PACRG: variants seen among roughly 807,000 people sequenced by gnomAD.
The protein encoded by PACRG is parkin coregulated, also known as parkin coregulated gene protein.
A neutral mutation model predicts 29.7 loss-of-function variants in PACRG; 29 were observed. The ratio of observed to expected loss-of-function variants is 0.98; its 90% CI spans 0.73 to 1.33. The LOEUF (loss-of-function observed/expected upper bound fraction) is 1.33. Ranked by LOEUF, PACRG falls within the 40% of genes most tolerant of loss-of-function variation. The probability of loss-of-function intolerance (pLI) is 0.00; values close to 1 mark genes in which losing one functional copy is unlikely to be tolerated. For missense variants in PACRG, 279 were observed against 316.2 expected (o/e 0.88, Z 0.89); for synonymous variants, 116 against 118.7 (o/e 0.98, Z 0.15).
At chr6:162,978,246 C>T (rs147212925) in intron 2 of PACRG, among the ~76,000 whole-genome samples, 5,039 of 152,090 alleles carry the variant, frequency 0.033, 130 homozygotes, top group Middle Eastern at 0.086. Context: ...TAGTATATTT[C>T]TATAAGAAAA....
intron 1 of PACRG, among the ~76,000 whole-genome samples, chr6:162,742,166 C>G (rs1273292822): frequency 1.3e-5 from 2 of 152,162 alleles, no homozygotes; most frequent in East Asian, 3.9e-4. Flanking sequence ...TCACCCGAAT[C>G]TCATCTTGAA....
At chr6:162,879,499 G>T (rs1356146759) in intron 2 of PACRG, among the ~76,000 whole-genome samples, 3 of 152,016 alleles carry the variant, frequency 2.0e-5, no homozygotes, top group Non-Finnish European at 2.9e-5. Flanking sequence ...GGGACAGTTG[G>T]TGCTAAAACT....
intron 4 of PACRG, among the ~76,000 whole-genome samples, chr6:163,234,301 G>A (rs981926018): frequency 6.6e-6 from 1 of 152,118 alleles, no homozygotes; most frequent in Non-Finnish European, 1.5e-5. Context: ...ATTCTCAGGG[G>A]AGTGACTTCT....
At chr6:162,904,018 A>G (rs1795758010) in intron 2 of PACRG, among the ~76,000 whole-genome samples, 1 of 152,114 alleles carries the variant, frequency 6.6e-6, no homozygotes, top group Non-Finnish European at 1.5e-5. Flanking sequence ...TTGATGCTGC[A>G]CTCTTGAGTC....
chr6:163,006,524 A>T (rs955590577), intron 2 of PACRG, among the ~76,000 whole-genome samples: 1 of 151,766 alleles, frequency 6.6e-6, no homozygotes, highest in Non-Finnish European at 1.5e-5. Context: ...TCTATCAGTT[A>T]TTGAGAGAAT....
intron 2 of PACRG, among the ~76,000 whole-genome samples, chr6:162,829,539 CA>C (rs1390328673): frequency 5.3e-5 from 8 of 152,140 alleles, no homozygotes; most frequent in Non-Finnish European, 8.8e-5. Context: ...GCAGTGTATA[CA>C]ATTAGTCATA....
chr6:162,865,093 A>G (rs749865745), intron 2 of PACRG, among the ~76,000 whole-genome samples: 2 of 152,162 alleles, frequency 1.3e-5, no homozygotes, highest in African/African-American at 4.8e-5. Context: ...TGTGTAATAT[A>G]CTCCCTCTAG....
intron 1 of PACRG, among the ~76,000 whole-genome samples, chr6:162,793,618 C>A (rs1245020955): frequency 6.6e-6 from 1 of 152,166 alleles, no homozygotes; most frequent in African/African-American, 2.4e-5. Flanking sequence ...ATTTAGCAGG[C>A]ATCATTAGTA....
At chr6:163,009,060 A>G (rs1329885790) in intron 2 of PACRG, among the ~76,000 whole-genome samples, 2 of 152,202 alleles carry the variant, frequency 1.3e-5, no homozygotes, top group Non-Finnish European at 2.9e-5. Flanking sequence ...GTACTGGGCA[A>G]AATTACTCTG....
chr6:162,924,213 A>G (rs768901339), intron 2 of PACRG, among the ~76,000 whole-genome samples: 43 of 151,996 alleles, frequency 2.8e-4, no homozygotes, highest in Non-Finnish European at 5.9e-4. Flanking sequence ...GTATAGAAAT[A>G]CTACTGTTGT....
intron 2 of PACRG, among the ~76,000 whole-genome samples, chr6:163,030,621 T>G (rs1180899773): frequency 1.3e-5 from 2 of 152,152 alleles, no homozygotes; most frequent in Non-Finnish European, 2.9e-5. Context: ...ATTAAGAAAG[T>G]ACAGGAATAA....
chr6:162,820,035 A>T (rs1021733590), intron 2 of PACRG, among the ~76,000 whole-genome samples: 32 of 152,160 alleles, frequency 2.1e-4, no homozygotes, highest in Non-Finnish European at 3.2e-4. Flanking sequence ...TACCAGGAGG[A>T]TGCTCTTTAG....
intron 2 of PACRG, among the ~76,000 whole-genome samples, chr6:162,895,807 A>G (rs943524296): frequency 4.6e-5 from 7 of 152,242 alleles, no homozygotes; most frequent in Non-Finnish European, 7.3e-5. Flanking sequence ...AGCTCTAAGA[A>G]CATTTACTTT....
intron 2 of PACRG, among the ~76,000 whole-genome samples, chr6:162,951,245 T>C (rs1366026699): frequency 6.6e-6 from 1 of 152,212 alleles, no homozygotes; most frequent in Non-Finnish European, 1.5e-5. Context: ...ATAGCAAAAG[T>C]TCCCTCCCAG....
chr6:163,193,760 G>A (rs1780323575), intron 4 of PACRG, among the ~76,000 whole-genome samples: 1 of 151,996 alleles, frequency 6.6e-6, no homozygotes, highest in African/African-American at 2.4e-5. Flanking sequence ...TAGTTTGAAA[G>A]TATTCCTAAA....
rs1784570039 is a variant in PACRG at position 162,787,570 on chromosome 6, G to GAT, written c.157-26577_157-26576insAT. On this transcript the variant is annotated intron_variant, in intron 1 of 4. Coordinates refer to ENST00000366888, the MANE Select transcript of PACRG (RefSeq NM_001080379.2). Reference sequence around the variant, plus strand: ...ATATATATGGTTATTGTGTGTGTGTGTGTGTGTGTGTGTATATATATATAT... The same window carrying GAT: ...ATATATATGGTTATTGTGTGTGTGTGATTGTGTGTGTGTGTATATATATATAT... 5.3e-5 allele frequency among the ~76,000 whole-genome samples: 3 copies of GAT among 56,670 alleles called. 1 individual carries two copies. The Admixed American group carries it at 7.3e-4, about 14-fold the overall frequency. The allele number at this position is 56,670 out of a possible 152,430, so 37.2% of individuals were successfully genotyped here.
intron 4 of PACRG, among the ~76,000 whole-genome samples, chr6:163,196,853 A>G (rs1780472464): frequency 6.6e-6 from 1 of 151,190 alleles, no homozygotes; most frequent in Admixed American, 6.6e-5. Flanking sequence ...AGACAGATAG[A>G]CAAATAGACA....
intron 1 of PACRG, among the ~76,000 whole-genome samples, chr6:162,801,534 A>G (rs956133613): frequency 2.0e-5 from 3 of 152,212 alleles, no homozygotes; most frequent in Non-Finnish European, 4.4e-5. Context: ...GGTAATTTAA[A>G]TGTAATTTAT....
intron 1 of PACRG, among the ~76,000 whole-genome samples, chr6:162,747,084 G>C (rs963454300): frequency 1.3e-4 from 19 of 151,886 alleles, no homozygotes; most frequent in Middle Eastern, 3.4e-3. Flanking sequence ...TGTGTCTGTT[G>C]CTAAAGGAGA....
Sources: gnomAD v4.1 joint callset for allele counts (sites outside exome capture counted in the v4.1 genomes callset) on GRCh38, gnomAD v4.1.1 for gene constraint, MANE v1.5 for transcripts, NCBI Gene and HGNC (gene_info 2026-07-23, HGNC 2026-07-21) for gene names.